The following ANKHD1 variants were observed in gnomAD, a reference collection of about 807,000 sequenced individuals.
The protein encoded by ANKHD1 is ankyrin repeat and KH domain-containing protein 1.
A neutral mutation model predicts 230.5 loss-of-function variants in ANKHD1; 31 were observed. The ratio of observed to expected loss-of-function variants is 0.13; its 90% CI spans 0.10 to 0.18. The LOEUF (loss-of-function observed/expected upper bound fraction) is 0.18. Ranked by LOEUF, ANKHD1 falls within the 10% of genes least tolerant of loss-of-function variation. The pLI is 1.00. For synonymous variants in ANKHD1, 1,074 were observed against 1,117.6 expected (o/e 0.96, Z 0.78); for missense variants, 2,256 against 3,071.3 (o/e 0.73, Z 6.27).
At chr5:140,489,397 G>T (rs1161088146) in intron 14 of ANKHD1, among the ~76,000 whole-genome samples, 1 of 151,916 alleles carries the variant, frequency 6.6e-6, no homozygotes, top group African/African-American at 2.4e-5. Flanking sequence ...AGCTGAGGCA[G>T]AAAGATCACT....
intron 5 of ANKHD1, among the ~76,000 whole-genome samples, chr5:140,444,079 T>TCCCC (rs33957556): frequency 8.8e-6 from 1 of 113,336 alleles, no homozygotes; most frequent in African/African-American, 3.5e-5. Context: ...TGAGATGAAG[T>TCCCC]CCCCCCCCCC....
intron 7 of ANKHD1, 105 bp from the exon 8 acceptor site, chr5:140,458,520 C>G: frequency 8.2e-7 from 1 of 1,223,314 alleles, no homozygotes; most frequent in Non-Finnish European, 1.1e-6. Flanking sequence ...CTAATCTTGT[C>G]TTTTTTCTTC....
chr5:140,537,365 C>T (rs371380893), intron 30 of ANKHD1, 24 bp from the exon 31 acceptor site: 49 of 1,611,550 alleles, frequency 3.0e-5, no homozygotes, highest in Admixed American at 1.3e-4. Context: ...TCTGTTTCTT[C>T]GGGATCATCT....
At chr5:140,501,427 A>G (rs1402253358) in intron 15 of ANKHD1, among the ~76,000 whole-genome samples, 1 of 152,004 alleles carries the variant, frequency 6.6e-6, no homozygotes, top group Non-Finnish European at 1.5e-5. Flanking sequence ...AATACATAAA[A>G]CAGATTACAG....
At chr5:140,513,636 C>G (rs1401854540) in intron 24 of ANKHD1, among the ~76,000 whole-genome samples, 157 bp downstream of exon 24, 2 of 152,072 alleles carry the variant, frequency 1.3e-5, no homozygotes, top group Non-Finnish European at 2.9e-5. Flanking sequence ...AGGTGAAACC[C>G]TGTCTCTACT....
At chr5:140,454,795 TAAAAG>T (rs1240491780) in intron 7 of ANKHD1, among the ~76,000 whole-genome samples, 1 of 151,896 alleles carries the variant, frequency 6.6e-6, no homozygotes, top group African/African-American at 2.4e-5. Flanking sequence ...ACATCACAAT[TAAAAG>T]AACTAGAGAA....
intron 14 of ANKHD1, among the ~76,000 whole-genome samples, chr5:140,491,889 T>C (rs1751824582): frequency 6.6e-6 from 1 of 152,192 alleles, no homozygotes; most frequent in African/African-American, 2.4e-5. Context: ...GCTAAGAATA[T>C]AGATTATTTT....
chr5:140,528,143 T>TA, intron 28 of ANKHD1, 41 bp from the exon 29 acceptor site: 4 of 1,536,852 alleles, frequency 2.6e-6, no homozygotes, highest in Admixed American at 2.2e-5. Context: ...TTTTTTTTTT[T>TA]AATGTTTTTG....
chr5:140,450,571 ACTCTGTTGCC>A (rs1774653028), intron 7 of ANKHD1, among the ~76,000 whole-genome samples: 1 of 146,850 alleles, frequency 6.8e-6, no homozygotes, highest in Non-Finnish European at 1.5e-5. Flanking sequence ...ACAGACTCTC[ACTCTGTTGCC>A]CAGGGTAGAG....
Position 140,529,280 on chromosome 5 carries a change from A to G in ANKHD1, c.6334A>G (p.Met2112Val). Residue 2112 changes from methionine (M) to valine (V), a missense_variant, in exon 29 of 34, where the codon ATG becomes GTG. Met to Val is a conservative substitution (Grantham distance 21). This residue lies in a region of ANKHD1 where 778 missense variants were observed against 966.5 expected (regional missense o/e 0.80). Transcript: ENST00000360839. ...TCCATTGACTTTGACATCACCCAGAATGGTTGCTGCTGATAATCAGGACAC... is the reference window on the plus strand; with the variant it reads ...TCCATTGACTTTGACATCACCCAGAGTGGTTGCTGCTGATAATCAGGACAC... ...PAPLTLTSPRMVAADNQDTSN... is the reference protein window; with the variant it reads ...PAPLTLTSPRVVAADNQDTSN... The G allele has an allele frequency of 1.2e-6, 2 of 1,614,160 alleles. No homozygotes were observed. Among genetic ancestry groups the G allele is most frequent in the Non-Finnish European group, 1.7e-6 (2 of 1,180,028 alleles).
intron 15 of ANKHD1, among the ~76,000 whole-genome samples, chr5:140,504,376 A>T (rs1333563565): frequency 2.0e-5 from 3 of 152,166 alleles, no homozygotes; most frequent in African/African-American, 4.8e-5. Context: ...TGTACACAGG[A>T]TATTTTTATC....
intron 10 of ANKHD1, among the ~76,000 whole-genome samples, chr5:140,471,862 G>A (rs186451204): frequency 2.0e-4 from 31 of 152,180 alleles, no homozygotes; most frequent in Non-Finnish European, 2.6e-4. Flanking sequence ...ATTTTCCTCC[G>A]TCCTCCCAAC....
rs780932028 is a variant in ANKHD1 at position 140,510,227 on chromosome 5, A to C, written c.4104+46A>C. On this transcript the variant is annotated intron_variant, in intron 22 of 33. Transcript: ENST00000360839. ...AAAGGTCAATTTTAAGCCAATTCTAAGTTAAAACCATGTGAGAAAGATAAG... is the reference window on the plus strand; with the variant it reads ...AAAGGTCAATTTTAAGCCAATTCTACGTTAAAACCATGTGAGAAAGATAAG... 8 of 1,536,010 alleles carry C rather than the reference A, an allele frequency of 5.2e-6. No homozygotes were observed. In the East Asian group the frequency reaches 1.4e-4, roughly 26 times the overall value.
rs144039744 is a variant in ANKHD1, at chr5:140,404,476, A to G, written c.306+2203A>G. On this transcript the variant is annotated intron_variant, in intron 1 of 33. Coordinates refer to ENST00000360839, the MANE Select transcript of ANKHD1 (RefSeq NM_017747.3). ...AGACTGTGTCTTGCTCTTGTCACCCAGGCTGGAGTGCGGTGGCTCGATCTT... is the reference window on the plus strand; with the variant it reads ...AGACTGTGTCTTGCTCTTGTCACCCGGGCTGGAGTGCGGTGGCTCGATCTT... Among the ~76,000 whole-genome samples, 658 of 151,206 alleles carry G rather than the reference A, an allele frequency of 4.4e-3. 4 individuals are homozygous for G. The highest frequency in any genetic ancestry group is 0.016 in the African/African-American group (637 of 41,090).
At chr5:140,428,210 C>G (rs992938622) in intron 1 of ANKHD1, among the ~76,000 whole-genome samples, 1 of 151,864 alleles carries the variant, frequency 6.6e-6, no homozygotes, top group East Asian at 1.9e-4. Context: ...CAGGCAGAGA[C>G]GCTCCTCACT....
Position 140,485,598 on chromosome 5 carries a change from A to G in ANKHD1, c.2008A>G (p.Thr670Ala). 1.2e-6 allele frequency: 2 copies of G among 1,613,942 alleles called. No individual in the cohort carries two copies. The highest frequency in any genetic ancestry group is 1.1e-5 in the South Asian group (1 of 91,054). Residue 670 changes from threonine (T) to alanine (A), a missense_variant, in exon 13 of 34, where the codon ACA (threonine) becomes GCA (alanine). This residue lies in a region of ANKHD1 where 23 missense variants were observed against 51.8 expected (regional missense o/e 0.44). Coordinates refer to ENST00000360839, the MANE Select transcript of ANKHD1 (RefSeq NM_017747.3). This position sits in a 1 kb window ranked among gnomAD's most constrained non-coding sequence, Gnocchi z 4.8. Reference sequence around the variant, plus strand: ...GGCAATTCTTTTTCAGGATGGTTCAACAATGCTCATTGAAGCTGCAAAGGG... The same window carrying G: ...GGCAATTCTTTTTCAGGATGGTTCAGCAATGCTCATTGAAGCTGCAAAGGG... ...DPTHRLKDGS[T>A]MLIEAAKGGH... is the part of the protein sequence containing the mutation.
At chr5:140,509,840 C>A in intron 21 of ANKHD1, 28 bp downstream of exon 21, 1 of 1,586,916 alleles carries the variant, frequency 6.3e-7, no homozygotes, top group South Asian at 1.2e-5. Context: ...ATATGTAGAA[C>A]TTCTCATGGT....
At chr5:140,407,386 C>T (rs1770556670) in intron 1 of ANKHD1, among the ~76,000 whole-genome samples, 1 of 151,456 alleles carries the variant, frequency 6.6e-6, no homozygotes, top group Non-Finnish European at 1.5e-5. Context: ...TGTGAGCCAC[C>T]ACACCCAGCC....
At chr5:140,476,625 C>T (rs1340744293) in intron 10 of ANKHD1, among the ~76,000 whole-genome samples, 1 of 151,926 alleles carries the variant, frequency 6.6e-6, no homozygotes, top group Non-Finnish European at 1.5e-5. Flanking sequence ...AAAAAATAAA[C>T]ATATTTTCAA....
Sources: gnomAD v4.1 joint callset for allele counts (sites outside exome capture counted in the v4.1 genomes callset) on GRCh38, gnomAD v4.1.1 for gene constraint, gnomAD v4.1.1 regional missense constraint, Gnocchi (gnomAD v3.1) non-coding constraint, MANE v1.5 for transcripts, NCBI Gene and HGNC (gene_info 2026-07-23, HGNC 2026-07-21) for gene names.